The following ESYT2 variants were observed in gnomAD, a reference collection of about 807,000 sequenced individuals.
ESYT2 encodes extended synaptotagmin-2.
A neutral mutation model predicts 107.2 loss-of-function variants in ESYT2; 54 were observed. That is an observed-to-expected ratio of 0.50 (90% CI 0.40 to 0.63). The LOEUF is 0.63. Among genes scored for constraint, ESYT2 ranks in the 30% least tolerant of loss-of-function variants. ESYT2 has a pLI of 0.00. For missense variants in ESYT2, 1,020 were observed against 1,094.5 expected (o/e 0.93, Z 0.96); for synonymous variants, 491 against 434.1 (o/e 1.13, Z -1.63).
intron 7 of ESYT2, among the ~76,000 whole-genome samples, chr7:158,768,709 C>T (rs925444823): frequency 3.3e-5 from 5 of 152,218 alleles, no homozygotes; most frequent in South Asian, 2.1e-4. Flanking sequence ...TAAGCCACCA[C>T]GCCTGGTCAA....
intron 1 of ESYT2, among the ~76,000 whole-genome samples, chr7:158,814,257 G>C (rs1210214361): frequency 7.0e-6 from 1 of 142,686 alleles, no homozygotes; most frequent in Admixed American, 7.2e-5. Flanking sequence ...CTGGGCGACA[G>C]AGCGAGACTC....
chr7:158,815,907 A>C (rs1052293873), intron 1 of ESYT2, among the ~76,000 whole-genome samples: 2 of 152,212 alleles, frequency 1.3e-5, no homozygotes, highest in African/African-American at 4.8e-5. Context: ...CGGCACGGGG[A>C]AAGTGCTGGA....
chr7:158,792,044 T>G (rs1839308717), intron 4 of ESYT2, among the ~76,000 whole-genome samples: 2 of 152,292 alleles, frequency 1.3e-5, no homozygotes, highest in South Asian at 4.1e-4. Context: ...ATGAAATTGT[T>G]TCCTTCATTT....
chr7:158,741,440 G>T, intron 18 of ESYT2, 83 bp downstream of exon 18: 1 of 1,488,160 alleles, frequency 6.7e-7, no homozygotes, highest in Admixed American at 2.3e-5. Flanking sequence ...CTCATGCTCT[G>T]CTGCGTTAAA....
At chr7:158,808,325 C>T (rs1021844205) in intron 1 of ESYT2, among the ~76,000 whole-genome samples, 3 of 152,366 alleles carry the variant, frequency 2.0e-5, no homozygotes, top group Non-Finnish European at 2.9e-5. Context: ...CCGGCACGTT[C>T]GCGCCGAGCA....
chr7:158,759,635 T>A, intron 12 of ESYT2, 54 bp from the exon 13 acceptor site: 5 of 1,390,322 alleles, frequency 3.6e-6, no homozygotes, highest in Non-Finnish European at 5.0e-6. Context: ...GATTAGATAC[T>A]ATTTCTATCT....
At chr7:158,760,230 A>C in intron 11 of ESYT2, 83 bp from the exon 12 acceptor site, 3 of 1,269,196 alleles carry the variant, frequency 2.4e-6, no homozygotes, top group Non-Finnish European at 2.3e-6. Flanking sequence ...CAAATGTTCC[A>C]TGCTGCTCAC....
Position 158,747,070 on chromosome 7 carries a change from G to C in ESYT2, c.1644+1124C>G, listed in dbSNP as rs369337124. Reference sequence around the variant, plus strand: ...CTGTTCTCAAAAACAAAGAGGCGGGGTGCGTTGGCTCACGCCTGTAATCCC... The same window carrying C: ...CTGTTCTCAAAAACAAAGAGGCGGGCTGCGTTGGCTCACGCCTGTAATCCC... On this transcript the variant is annotated intron_variant, in intron 16 of 22. Coordinates refer to ENST00000275418, the MANE Select transcript of ESYT2 (RefSeq NM_001367773.1). Among the ~76,000 whole-genome samples the C allele has an allele frequency of 8.0e-5, 12 of 150,430 alleles. No homozygotes were observed. The East Asian group carries it at 1.2e-3, about 15-fold the overall frequency.
At chr7:158,822,066 T>C (rs183967302) in intron 1 of ESYT2, among the ~76,000 whole-genome samples, 2,806 of 152,278 alleles carry the variant, frequency 0.018, 77 homozygotes, top group African/African-American at 0.064. Context: ...TTTCTTACAC[T>C]TGTGTTGGCA....
chr7:158,782,569 G>T (rs539890661), intron 6 of ESYT2, among the ~76,000 whole-genome samples: 1 of 140,404 alleles, frequency 7.1e-6, no homozygotes, highest in African/African-American at 2.5e-5. Context: ...GAAAGTGGGA[G>T]TGTGAGAACA....
At chr7:158,809,135 G>C (rs1274724163) in intron 1 of ESYT2, among the ~76,000 whole-genome samples, 1 of 152,064 alleles carries the variant, frequency 6.6e-6, no homozygotes, top group Non-Finnish European at 1.5e-5. Flanking sequence ...ATAAGGGGGG[G>C]CTACTGTAGT....
intron 13 of ESYT2, among the ~76,000 whole-genome samples, chr7:158,753,346 G>A (rs952558696): frequency 6.6e-6 from 1 of 152,142 alleles, no homozygotes; most frequent in African/African-American, 2.4e-5. Flanking sequence ...TCTGCTCCTC[G>A]TCCTTTTCCG....
chr7:158,793,630 T>G lies in ESYT2; in HGVS notation c.584+20A>C, dbSNP rs376021643. Reference sequence around the variant, plus strand: ...TACACGCCATTAACCATAACACAAATATAACAAATAAAAACTTACCTAATC... The same window carrying G: ...TACACGCCATTAACCATAACACAAAGATAACAAATAAAAACTTACCTAATC... On this transcript the variant is annotated intron_variant, in intron 4 of 22. Coordinates refer to ENST00000275418, the MANE Select transcript of ESYT2 (RefSeq NM_001367773.1). The G allele has an allele frequency of 1.9e-6, 3 of 1,561,242 alleles. No individual in the cohort carries two copies. The highest frequency in any genetic ancestry group is 2.6e-6 in the Non-Finnish European group (3 of 1,133,548).
chr7:158,807,195 G>A (rs903402018), intron 1 of ESYT2, among the ~76,000 whole-genome samples: 25 of 147,356 alleles, frequency 1.7e-4, no homozygotes, highest in African/African-American at 5.6e-4. Context: ...GGTTTGTAGC[G>A]AGCCGATATC....
Position 158,798,026 on chromosome 7 carries a change from A to T in ESYT2, c.423T>A (p.Phe141Leu). The T allele has an allele frequency of 6.2e-7, 1 of 1,614,188 alleles. No individual in the cohort carries two copies. Among genetic ancestry groups the T allele is most frequent in the Non-Finnish European group, 8.5e-7 (1 of 1,180,026 alleles). The change falls in exon 3 of 23, where the codon TTT (phenylalanine) becomes TTA (leucine). Residue 141 changes from phenylalanine to leucine, a missense_variant. By Grantham distance (22) the Phe-to-Leu change is conservative (BLOSUM62 0). Transcript: ENST00000275418. The stretch of plus-strand genomic sequence containing the variant: ...GCACGGCTGGTTCTATAGTTTCTCG[A>T]AACAACTTCTCTATAAATTGGCAAA... Reference protein sequence around the residue: ...PFICQFIEKLFRETIEPAVRG... With the variant: ...PFICQFIEKLLRETIEPAVRG...
At chr7:158,759,459 C>T (rs1055629319) in intron 13 of ESYT2, 27 bp downstream of exon 13, 2 of 1,571,942 alleles carry the variant, frequency 1.3e-6, no homozygotes, top group African/African-American at 2.7e-5. Flanking sequence ...AATACGCACC[C>T]ACAGGTGTTA....
intron 1 of ESYT2, among the ~76,000 whole-genome samples, chr7:158,816,685 T>C (rs1415244693): frequency 6.6e-6 from 1 of 152,204 alleles, no homozygotes; most frequent in African/African-American, 2.4e-5. Context: ...ATGTCATCCT[T>C]TCCCTCCTGC....
intron 17 of ESYT2, 38 bp downstream of exon 17, chr7:158,743,491 C>A: frequency 6.4e-7 from 1 of 1,569,958 alleles, no homozygotes; most frequent in South Asian, 1.2e-5. Flanking sequence ...ACCCGCCTCC[C>A]CATCCCCTAT....
Position 158,767,640 on chromosome 7 carries a change from C to T in ESYT2, c.924+14G>A, listed in dbSNP as rs1237801591. 8 of 1,604,140 alleles carry T rather than the reference C, an allele frequency of 5.0e-6. No homozygotes were observed. Among genetic ancestry groups the T allele is most frequent in the African/African-American group, 1.3e-5 (1 of 74,516 alleles). On this transcript the variant is annotated intron_variant, in intron 8 of 22. Coordinates refer to ENST00000275418, the MANE Select transcript of ESYT2 (RefSeq NM_001367773.1). ...GATGTTTTTAAATGTGAATGGATGC[C>T]GGGACACGCTTACCTTTGGTACAGG... is the stretch of plus-strand genomic sequence containing the variant.
Sources: gnomAD v4.1 joint callset for allele counts (sites outside exome capture counted in the v4.1 genomes callset) on GRCh38, gnomAD v4.1.1 for gene constraint, MANE v1.5 for transcripts, NCBI Gene and HGNC (gene_info 2026-07-23, HGNC 2026-07-21) for gene names.